PARD3B: variants seen among roughly 807,000 people sequenced by gnomAD.
The protein encoded by PARD3B is partitioning defective 3 homolog B.
In PARD3B, 103 loss-of-function variants were observed where a neutral mutation model predicts 130.2. The observed-to-expected ratio is 0.79, with a 90% CI of 0.67 to 0.93. PARD3B has a LOEUF of 0.93. PARD3B is among the 40% of genes least tolerant of loss of function. The probability of loss-of-function intolerance (pLI) is 0.00; values close to 1 mark genes in which losing one functional copy is unlikely to be tolerated. For synonymous variants in PARD3B, 583 were observed against 553.2 expected, an observed-to-expected ratio of 1.05 and a Z score of -0.76; for missense variants, 1,609 against 1,499.2, an observed-to-expected ratio of 1.07 and a Z score of -1.21.
intron 19 of PARD3B, among the ~76,000 whole-genome samples, chr2:205,439,571 T>A (rs1248926468): frequency 1.3e-5 from 2 of 152,198 alleles, no homozygotes; most frequent in African/African-American, 2.4e-5. Flanking sequence ...GGAATCCACC[T>A]AAGTATATTT....
At chr2:205,249,424 A>C (rs1340539788) in intron 16 of PARD3B, among the ~76,000 whole-genome samples, 1 of 152,120 alleles carries the variant, frequency 6.6e-6, no homozygotes, top group African/African-American at 2.4e-5. Flanking sequence ...TTTCGTGCCA[A>C]GTTCCATCTG....
chr2:204,633,804 T>C lies in PARD3B; in HGVS notation c.121-52377T>C, dbSNP rs12328341. The stretch of plus-strand genomic sequence containing the variant: ...TCCAGCCTGGGCAACAGAGCGAGAC[T>C]GTGTCTCAAAAAAACATATATTTTT... On this transcript the variant is annotated intron_variant, in intron 1 of 22. Coordinates refer to ENST00000406610, the MANE Select transcript of PARD3B (RefSeq NM_001302769.2). 8.6e-3 allele frequency among the ~76,000 whole-genome samples: 1,315 copies of C among 152,272 alleles called. 18 individuals are homozygous for C. Among genetic ancestry groups the C allele is most frequent in the African/African-American group, 0.03 (1,260 of 41,560 alleles).
intron 4 of PARD3B, among the ~76,000 whole-genome samples, chr2:205,103,446 A>T (rs1442193649): frequency 1.3e-5 from 2 of 150,934 alleles, no homozygotes; most frequent in Non-Finnish European, 3.0e-5. Context: ...AATAAAAATT[A>T]AAAAAAGATA....
chr2:204,935,831 C>G (rs1575354447), intron 2 of PARD3B, among the ~76,000 whole-genome samples: 2 of 152,066 alleles, frequency 1.3e-5, no homozygotes, highest in African/African-American at 4.8e-5. Context: ...TAAGAGCATT[C>G]CTGTTAGTTC....
At chr2:204,834,008 G>A (rs2043934455) in intron 2 of PARD3B, among the ~76,000 whole-genome samples, 1 of 152,102 alleles carries the variant, frequency 6.6e-6, no homozygotes, top group Non-Finnish European at 1.5e-5. Flanking sequence ...TCCCATGGCA[G>A]GAATGTTGCA....
intron 2 of PARD3B, among the ~76,000 whole-genome samples, chr2:204,703,660 T>C (rs1255045895): frequency 6.6e-6 from 1 of 152,184 alleles, no homozygotes; most frequent in Non-Finnish European, 1.5e-5. Context: ...GTTAGCTTAA[T>C]CATTAAAAAA....
intron 15 of PARD3B, among the ~76,000 whole-genome samples, chr2:205,206,124 A>G (rs2037282710): frequency 1.3e-5 from 2 of 150,048 alleles, no homozygotes; most frequent in Admixed American, 1.3e-4. Context: ...TCAATTTCAT[A>G]AAGACAGATA....
chr2:204,703,599 A>C (rs1335892324), intron 2 of PARD3B, among the ~76,000 whole-genome samples: 2 of 152,184 alleles, frequency 1.3e-5, no homozygotes, highest in Non-Finnish European at 2.9e-5. Flanking sequence ...TCTGATGAGG[A>C]TTTCAAGCTG....
intron 2 of PARD3B, among the ~76,000 whole-genome samples, chr2:204,763,378 G>C (rs1259427693): frequency 6.6e-6 from 1 of 152,120 alleles, no homozygotes; most frequent in East Asian, 1.9e-4. Context: ...TGATTATTTT[G>C]TGTAAATGCA....
At chr2:205,110,987 C>G (rs1339627912) in intron 5 of PARD3B, among the ~76,000 whole-genome samples, 1 of 152,130 alleles carries the variant, frequency 6.6e-6, no homozygotes. Context: ...ACAACTCCAT[C>G]ACGTATTTCT....
intron 19 of PARD3B, among the ~76,000 whole-genome samples, chr2:205,414,615 C>G (rs533080357): frequency 1.3e-5 from 2 of 152,018 alleles, no homozygotes; most frequent in Non-Finnish European, 2.9e-5. Context: ...ATTGCTTAGA[C>G]TAATCATTTT....
chr2:204,985,522 A>G (rs921799068), intron 3 of PARD3B, among the ~76,000 whole-genome samples: 1 of 152,210 alleles, frequency 6.6e-6, no homozygotes, highest in African/African-American at 2.4e-5. Context: ...CATAATGTTT[A>G]TGTTCTTGCC....
intron 6 of PARD3B, among the ~76,000 whole-genome samples, chr2:205,117,067 A>G (rs1157246891): frequency 6.6e-6 from 1 of 152,220 alleles, no homozygotes; most frequent in Non-Finnish European, 1.5e-5. Context: ...TATCACTTAC[A>G]TAAACACGTT....
chr2:205,030,861 G>C (rs562127038), intron 3 of PARD3B, among the ~76,000 whole-genome samples: 1 of 152,158 alleles, frequency 6.6e-6, no homozygotes, highest in South Asian at 2.1e-4. Context: ...TCCAGAGGGG[G>C]GTCTGTTTAC....
At chr2:204,548,208 T>C (rs2030153084) in intron 1 of PARD3B, among the ~76,000 whole-genome samples, 2 of 152,120 alleles carry the variant, frequency 1.3e-5, no homozygotes, top group African/African-American at 4.8e-5. Context: ...CATGCTTTTA[T>C]TCATTTTTTT....
At chr2:204,905,389 G>T (rs2047008377) in intron 2 of PARD3B, among the ~76,000 whole-genome samples, 1 of 152,162 alleles carries the variant, frequency 6.6e-6, no homozygotes, top group Non-Finnish European at 1.5e-5. Flanking sequence ...CTGGTCTCCA[G>T]TGGTATAGTG....
intron 20 of PARD3B, among the ~76,000 whole-genome samples, chr2:205,453,417 G>C (rs1031414587): frequency 1.3e-5 from 2 of 152,176 alleles, no homozygotes; most frequent in African/African-American, 4.8e-5. Flanking sequence ...GATAATCTAA[G>C]ATAAAACATT....
chr2:205,467,937 G>A (rs2048689204), intron 20 of PARD3B, among the ~76,000 whole-genome samples: 1 of 152,182 alleles, frequency 6.6e-6, no homozygotes, highest in Admixed American at 6.5e-5. Flanking sequence ...TCCTGCTTCA[G>A]GGAACAGACA....
rs952983333 is a variant in PARD3B, at chr2:204,847,075, C to T, written c.223-118077C>T. Among the ~76,000 whole-genome samples the T allele has an allele frequency of 1.4e-4, 21 of 151,922 alleles. 1 individual carries two copies. Among genetic ancestry groups the T allele is most frequent in the African/African-American group, 4.4e-4 (18 of 41,342 alleles). On this transcript the variant is annotated intron_variant, in intron 2 of 22. Coordinates refer to ENST00000406610, the MANE Select transcript of PARD3B (RefSeq NM_001302769.2). ...TCACACAGATTAAGGAATAGACTAT[C>T]GCCACGTATTTCTATATCCTGAAAC...
Sources: allele counts gnomAD v4.1 joint callset (sites outside exome capture counted in the v4.1 genomes callset), GRCh38; gene constraint gnomAD v4.1.1; transcripts MANE v1.5; gene names NCBI Gene and HGNC (gene_info 2026-07-23, HGNC 2026-07-21).